The following CACNA2D2 variants were observed in gnomAD, a reference collection of about 807,000 sequenced individuals.
The protein encoded by CACNA2D2 is voltage-dependent calcium channel subunit alpha-2/delta-2.
CACNA2D2 carries 48 observed loss-of-function variants against 166.4 expected under a neutral mutation model. The observed-to-expected ratio is 0.29, with a 90% CI of 0.23 to 0.37. CACNA2D2 has a LOEUF of 0.37. Ranked by LOEUF, CACNA2D2 falls within the 10% of genes least tolerant of loss-of-function variation. The pLI, the probability that CACNA2D2 is intolerant of heterozygous loss-of-function variation, is 1.00. For missense variants in CACNA2D2, 1,122 were observed against 1,433.0 expected, an observed-to-expected ratio of 0.78 and a Z score of 3.50; for synonymous variants, 561 against 573.7, an observed-to-expected ratio of 0.98 and a Z score of 0.32.
chr3:50,428,603 G>T (rs1363010688), intron 3 of CACNA2D2, among the ~76,000 whole-genome samples: 4 of 152,174 alleles, frequency 2.6e-5, no homozygotes, highest in Non-Finnish European at 5.9e-5. Context: ...GCCACCAATG[G>T]TGGGAACAAT....
In CACNA2D2 at chr3:50,381,138, C is replaced by T. The variant is rs370885012; in HGVS notation, c.653-12G>A. 25 of 1,426,932 alleles carry T rather than the reference C, an allele frequency of 1.8e-5. No individual in the cohort carries two copies. Among genetic ancestry groups the T allele is most frequent in the Admixed American group, 1.1e-4 (6 of 55,944 alleles). 88.4% of individuals were successfully genotyped at this position (1,426,932 alleles called of 1,614,324 possible). ...GAGGATGACAGTGGCTGGGGGGAAG[C>T]GGGGAGCTGGGGTGGGGAGCACCTG... On this transcript the variant is annotated splice_polypyrimidine_tract_variant and intron_variant, in intron 6 of 37. Coordinates refer to ENST00000424201, the MANE Select transcript of CACNA2D2 (RefSeq NM_006030.4).
At chr3:50,473,993 T>A (rs1710205304) in intron 2 of CACNA2D2, among the ~76,000 whole-genome samples, 1 of 152,242 alleles carries the variant, frequency 6.6e-6, no homozygotes. Context: ...TCTGCCTGCC[T>A]GCCTGCCACG....
rs546103456 is a variant in CACNA2D2 at position 50,484,702 on chromosome 3, G to T, written c.207-8503C>A. 3.2e-4 allele frequency among the ~76,000 whole-genome samples: 48 copies of T among 152,366 alleles called. 1 individual carries two copies. The highest frequency in any genetic ancestry group is 1.1e-3 in the Admixed American group (17 of 15,302). The stretch of plus-strand genomic sequence containing the variant: ...ACTGATCTCCACGTCCCCTCCTGGG[G>T]TGATTCTTTTGGCTAGTATTCCATC... On this transcript the variant is annotated intron_variant, in intron 1 of 37. Transcript: ENST00000424201.
In CACNA2D2 at chr3:50,477,585, T is replaced by C. The variant is rs770667908; in HGVS notation, c.207-1386A>G. ...ACCACAAAGGTGCTCTTTGCCCTCA[T>C]GCATTTGAAAAGGTATCTCAACTTC... On this transcript the variant is annotated intron_variant, in intron 1 of 37. Coordinates refer to ENST00000424201, the MANE Select transcript of CACNA2D2 (RefSeq NM_006030.4). 4.6e-5 allele frequency among the ~76,000 whole-genome samples: 7 copies of C among 152,314 alleles called. No individual in the cohort carries two copies. The South Asian group carries it at 1.5e-3, about 32-fold the overall frequency.
intron 2 of CACNA2D2, among the ~76,000 whole-genome samples, chr3:50,462,897 AAAAG>A (rs907665085): frequency 2.0e-5 from 3 of 151,922 alleles, no homozygotes; most frequent in Non-Finnish European, 4.4e-5. Flanking sequence ...AAAGAAAAAA[AAAAG>A]AGAGAGGGAG....
chr3:50,378,396 C>T (rs1705105837), intron 13 of CACNA2D2, 63 bp from the exon 14 acceptor site: 2 of 1,490,610 alleles, frequency 1.3e-6, no homozygotes, highest in Non-Finnish European at 1.8e-6. Flanking sequence ...GTGCAGAGGG[C>T]CCTGCCCCTG....
At chr3:50,493,294 T>A (rs992832794) in intron 1 of CACNA2D2, among the ~76,000 whole-genome samples, 1 of 152,190 alleles carries the variant, frequency 6.6e-6, no homozygotes, top group Non-Finnish European at 1.5e-5. Flanking sequence ...GTGTACTGTT[T>A]AGATTGCCAG....
intron 3 of CACNA2D2, among the ~76,000 whole-genome samples, chr3:50,416,406 A>T (rs1309358208): frequency 1.3e-5 from 2 of 152,198 alleles, no homozygotes; most frequent in Admixed American, 1.3e-4. Context: ...CCTATAGGCC[A>T]CCTTTAGGTG....
rs769527990 is a variant in CACNA2D2, at chr3:50,375,699, T to C, written c.1852A>G (p.Ile618Val). ...GTGTAGTTCCGTGTCACCTCATCTA[T>C]GTACCTCTGGGAGAGGAGGCTGGGT... ...TLVKSLDERY[I>V]DEVTRNYTWV... The change falls in exon 21 of 38, where the codon ATA (isoleucine) becomes GTA (valine). Residue 618 changes from isoleucine to valine, a missense_variant. This residue lies in a region of CACNA2D2 where 840 missense variants were observed against 1,166.8 expected (regional missense o/e 0.72). Coordinates refer to ENST00000424201, the MANE Select transcript of CACNA2D2 (RefSeq NM_006030.4). The surrounding 1 kb of genome is among the most constrained non-coding windows in gnomAD (Gnocchi z 4.0). 1.9e-6 allele frequency: 3 copies of C among 1,613,264 alleles called. No homozygotes were observed. In the South Asian group the frequency reaches 3.3e-5, roughly 18 times the overall value.
At position 50,365,624 on chromosome 3, in the gene CACNA2D2, C is replaced by T; in HGVS notation, c.2971+9G>A. 4.4e-6 allele frequency: 7 copies of T among 1,574,904 alleles called. No homozygotes were observed. Among genetic ancestry groups the T allele is most frequent in the Non-Finnish European group, 6.0e-6 (7 of 1,159,956 alleles). ...GGACTTGAGGAGGCGCCTCCAAAGC[C>T]CTACCTACCTGCTTGGAACCAGCTG... On this transcript the variant is annotated intron_variant, in intron 34 of 37. Transcript: ENST00000424201. The surrounding 1 kb of genome is among the most constrained non-coding windows in gnomAD (Gnocchi z 4.5).
At chr3:50,473,992 C>T (rs538066896) in intron 2 of CACNA2D2, among the ~76,000 whole-genome samples, 1 of 152,256 alleles carries the variant, frequency 6.6e-6, no homozygotes, top group Non-Finnish European at 1.5e-5. Context: ...CTCTGCCTGC[C>T]TGCCTGCCAC....
At chr3:50,492,431 A>G (rs1698558225) in intron 1 of CACNA2D2, among the ~76,000 whole-genome samples, 1 of 152,230 alleles carries the variant, frequency 6.6e-6, no homozygotes. Flanking sequence ...CGGCAACTTG[A>G]GGGCAGTGGC....
chr3:50,429,489 A>C (rs1308734672), intron 3 of CACNA2D2, among the ~76,000 whole-genome samples: 1 of 150,998 alleles, frequency 6.6e-6, no homozygotes, highest in Non-Finnish European at 1.5e-5. Context: ...GCGGTGGCTC[A>C]CGCCAGTAAT....
chr3:50,490,976 T>C (rs774066020), intron 1 of CACNA2D2, among the ~76,000 whole-genome samples: 2 of 152,186 alleles, frequency 1.3e-5, no homozygotes, highest in Non-Finnish European at 2.9e-5. Flanking sequence ...AGGTGGGTCC[T>C]GCCTGGGGTT....
In CACNA2D2 at chr3:50,413,203, G is replaced by A. The variant is rs144266108; in HGVS notation, c.406-19035C>T. ...GGGGGTGGTGGTGGAGCATGAGGAGGGGGAAGGGAGAGGCCTGAATCCTGA... is the reference window on the plus strand; with the variant it reads ...GGGGGTGGTGGTGGAGCATGAGGAGAGGGAAGGGAGAGGCCTGAATCCTGA... On this transcript the variant is annotated intron_variant, in intron 3 of 37. Coordinates refer to ENST00000424201, the MANE Select transcript of CACNA2D2 (RefSeq NM_006030.4). 8.5e-5 allele frequency among the ~76,000 whole-genome samples: 13 copies of A among 152,250 alleles called. No homozygotes were observed. In the East Asian group the frequency reaches 2.1e-3, roughly 25 times the overall value.
At chr3:50,431,245 G>C (rs1708047740) in intron 3 of CACNA2D2, among the ~76,000 whole-genome samples, 1 of 152,156 alleles carries the variant, frequency 6.6e-6, no homozygotes, top group Non-Finnish European at 1.5e-5. Flanking sequence ...ACCAGGACTT[G>C]ATTAAAAGCA....
At chr3:50,377,569 C>T in intron 16 of CACNA2D2, 28 bp from the exon 17 acceptor site, 1 of 1,608,016 alleles carries the variant, frequency 6.2e-7, no homozygotes, top group Non-Finnish European at 8.5e-7. Flanking sequence ...GGGGGCTCCT[C>T]AGTGAGCTCA....
At chr3:50,472,936 G>A (rs562420735) in intron 2 of CACNA2D2, among the ~76,000 whole-genome samples, 67 of 152,320 alleles carry the variant, frequency 4.4e-4, no homozygotes, top group African/African-American at 1.5e-3. Flanking sequence ...CCTTGCTCAG[G>A]CCCTAGGGGC....
At chr3:50,433,516 A>T (rs879471055) in intron 3 of CACNA2D2, among the ~76,000 whole-genome samples, 3 of 152,110 alleles carry the variant, frequency 2.0e-5, no homozygotes, top group Admixed American at 6.5e-5. Context: ...CACCATGCCC[A>T]GCTTTGCTCC....
Sources: gnomAD v4.1 joint callset for allele counts (sites outside exome capture counted in the v4.1 genomes callset) on GRCh38, gnomAD v4.1.1 for gene constraint, gnomAD v4.1.1 regional missense constraint, Gnocchi (gnomAD v3.1) non-coding constraint, MANE v1.5 for transcripts, NCBI Gene and HGNC (gene_info 2026-07-23, HGNC 2026-07-21) for gene names.